The following CADPS2 variants were observed in gnomAD, a reference collection of about 807,000 sequenced individuals.
CADPS2 encodes the protein calcium-dependent secretion activator 2.
In CADPS2, 93 loss-of-function variants were observed where a neutral mutation model predicts 172.5. That is an observed-to-expected ratio of 0.54 (90% CI 0.46 to 0.64). The LOEUF is 0.64. CADPS2 is among the 30% of genes least tolerant of loss of function. The pLI is 0.00. For synonymous variants in CADPS2, 546 were observed against 555.2 expected (o/e 0.98, Z 0.23); for missense variants, 1,420 against 1,565.9 (o/e 0.91, Z 1.57).
At chr7:122,642,159 A>AAT (rs2077724732) in intron 3 of CADPS2, among the ~76,000 whole-genome samples, 1 of 151,972 alleles carries the variant, frequency 6.6e-6, no homozygotes, top group Non-Finnish European at 1.5e-5. Context: ...AGGCGCCTGT[A>AAT]ATCCCAGCTA....
In CADPS2 at chr7:122,645,502, GTA is replaced by G. The variant is rs1227617647; in HGVS notation, c.787-16176_787-16175del. Among the ~76,000 whole-genome samples the G allele has an allele frequency of 4.2e-4, 43 of 101,754 alleles. 2 individuals carry two copies. Among genetic ancestry groups the G allele is most frequent in the African/African-American group, 1.4e-3 (33 of 23,544 alleles). The allele number at this position is 101,754 out of a possible 152,430, so 66.8% of individuals were successfully genotyped here. ...ATATATTTAGCGTATATATATATAA[GTA>G]TATATATACTTATATATATATAAGT... On this transcript the variant is annotated intron_variant, in intron 3 of 29. Transcript: ENST00000449022.
At chr7:122,825,298 C>G (rs1804558957) in intron 1 of CADPS2, among the ~76,000 whole-genome samples, 1 of 152,078 alleles carries the variant, frequency 6.6e-6, no homozygotes, top group Admixed American at 6.5e-5. Flanking sequence ...GGATATCATG[C>G]CATCAATTGT....
chr7:122,333,837 A>G (rs1254913776), intron 28 of CADPS2, among the ~76,000 whole-genome samples: 1 of 151,916 alleles, frequency 6.6e-6, no homozygotes, highest in Admixed American at 6.6e-5. Flanking sequence ...CAGAGCATGC[A>G]TTCAATTTTC....
At chr7:122,716,964 C>T (rs1027232423) in intron 2 of CADPS2, among the ~76,000 whole-genome samples, 13 of 152,140 alleles carry the variant, frequency 8.5e-5, no homozygotes, top group Non-Finnish European at 1.9e-4. Flanking sequence ...AATAAAATTT[C>T]AAATGTTGAC....
chr7:122,825,620 T>C (rs1375203795), intron 1 of CADPS2, among the ~76,000 whole-genome samples: 1 of 152,234 alleles, frequency 6.6e-6, no homozygotes, highest in Admixed American at 6.5e-5. Flanking sequence ...TATCTTATTA[T>C]ATATTGTTTT....
chr7:122,481,003 A>G (rs897891096), intron 11 of CADPS2, 143 bp from the exon 12 acceptor site: 1 of 657,170 alleles, frequency 1.5e-6, no homozygotes, highest in Non-Finnish European at 2.4e-6. Context: ...GACCATCAGG[A>G]AAGAAAACAA....
intron 1 of CADPS2, among the ~76,000 whole-genome samples, chr7:122,824,804 T>A (rs977460273): frequency 6.6e-6 from 1 of 152,178 alleles, no homozygotes. Flanking sequence ...ATTTTATTTT[T>A]TATATTTAGA....
chr7:122,811,788 G>A (rs1800079820), intron 1 of CADPS2, among the ~76,000 whole-genome samples: 1 of 151,884 alleles, frequency 6.6e-6, no homozygotes. Context: ...ATATTTCTTT[G>A]ATATCCTTCC....
intron 2 of CADPS2, among the ~76,000 whole-genome samples, chr7:122,688,571 C>T (rs187948955): frequency 2.6e-5 from 4 of 152,360 alleles, no homozygotes; most frequent in Admixed American, 2.6e-4. Flanking sequence ...TCTGTCTCAG[C>T]TGTTTGAGCT....
chr7:122,617,991 C>T (rs902827421), intron 5 of CADPS2, among the ~76,000 whole-genome samples: 3 of 151,826 alleles, frequency 2.0e-5, no homozygotes, highest in African/African-American at 7.3e-5. Context: ...TGGCAGTGAG[C>T]CGAGATCGTG....
intron 8 of CADPS2, among the ~76,000 whole-genome samples, chr7:122,513,623 T>C (rs2060153111): frequency 6.6e-6 from 1 of 152,208 alleles, no homozygotes. Context: ...ATGCAATTCT[T>C]AGGAGAGACA....
At chr7:122,615,329 A>T in intron 5 of CADPS2, 30 bp from the exon 6 acceptor site, 1 of 1,372,538 alleles carries the variant, frequency 7.3e-7, no homozygotes, top group Non-Finnish European at 1.0e-6. Context: ...AAAATAATGC[A>T]TCAAGTTGAT....
At chr7:122,590,225 C>T (rs1446175330) in intron 6 of CADPS2, among the ~76,000 whole-genome samples, 4 of 151,830 alleles carry the variant, frequency 2.6e-5, no homozygotes, top group Admixed American at 1.3e-4. Context: ...TCAAAACCTA[C>T]TAAAAAATAA....
intron 1 of CADPS2, among the ~76,000 whole-genome samples, chr7:122,799,127 C>T (rs973897744): frequency 6.6e-6 from 1 of 151,972 alleles, no homozygotes; most frequent in African/African-American, 2.4e-5. Flanking sequence ...AGTCTTTGCA[C>T]CATTCAAAAA....
At chr7:122,836,581 G>A (rs558961403) in intron 1 of CADPS2, among the ~76,000 whole-genome samples, 1 of 152,278 alleles carries the variant, frequency 6.6e-6, no homozygotes, top group Admixed American at 6.5e-5. Context: ...AGGGATGGAG[G>A]AAGATCTACC....
Position 122,360,961 on chromosome 7 carries a change from C to G in CADPS2, c.3440G>C (p.Gly1147Ala), listed in dbSNP as rs536263809. 6.2e-7 allele frequency: 1 copy of G among 1,613,654 alleles called. No homozygotes were observed. The highest frequency in any genetic ancestry group is 2.2e-5 in the East Asian group (1 of 44,816). ...VLSKLSRYDEGTFFSSILSFT... is the reference protein window; with the variant it reads ...VLSKLSRYDEATFFSSILSFT... Reference sequence around the variant, plus strand: ...TGACAGAATGGATGAAAAGAAAGTGCCTTCATCATACCTTGACAGCTTAGA... The same window carrying G: ...TGACAGAATGGATGAAAAGAAAGTGGCTTCATCATACCTTGACAGCTTAGA... Residue 1147 changes from glycine (G) to alanine (A), a missense_variant, in exon 26 of 30, where the codon GGC becomes GCC. By Grantham distance (60) the Gly-to-Ala change is moderately conservative. Transcript: ENST00000449022.
At chr7:122,820,029 A>C (rs1802677983) in intron 1 of CADPS2, among the ~76,000 whole-genome samples, 1 of 152,094 alleles carries the variant, frequency 6.6e-6, no homozygotes, top group Non-Finnish European at 1.5e-5. Flanking sequence ...CTGTCCTAAA[A>C]CCAGACAAGC....
chr7:122,449,043 A>G (rs953442891), intron 15 of CADPS2, among the ~76,000 whole-genome samples: 1 of 152,230 alleles, frequency 6.6e-6, no homozygotes, highest in Non-Finnish European at 1.5e-5. Context: ...GCTACTGAAT[A>G]AAGCTTGTCT....
chr7:122,420,815 T>C (rs1483408530), intron 17 of CADPS2, among the ~76,000 whole-genome samples: 1 of 152,248 alleles, frequency 6.6e-6, no homozygotes, highest in East Asian at 1.9e-4. Context: ...TTCTTTGCTC[T>C]GGAACACTTT....
Sources: gnomAD v4.1 joint callset for allele counts (sites outside exome capture counted in the v4.1 genomes callset) on GRCh38, gnomAD v4.1.1 for gene constraint, MANE v1.5 for transcripts, NCBI Gene and HGNC (gene_info 2026-07-23, HGNC 2026-07-21) for gene names.